Variants in TLE3 observed in about 807,000 individuals in gnomAD.
TLE3 encodes the protein TLE family member 3, transcriptional corepressor, also known as transducin-like enhancer protein 3.
A neutral mutation model predicts 93.0 loss-of-function variants in TLE3; 14 were observed. The ratio of observed to expected loss-of-function variants is 0.15; its 90% CI spans 0.10 to 0.24. The LOEUF is 0.24. TLE3 is among the 10% of genes least tolerant of loss of function. The pLI is 1.00. For missense variants in TLE3, 693 were observed against 1,046.6 expected (o/e 0.66, Z 4.66); for synonymous variants, 451 against 425.0 (o/e 1.06, Z -0.75).
chr15:70,074,470 G>GA, intron 6 of TLE3, 63 bp downstream of exon 6: 1 of 1,552,296 alleles, frequency 6.4e-7, no homozygotes, highest in Non-Finnish European at 8.8e-7. Flanking sequence ...CTCTGGTTAT[G>GA]ATAAATGAGA....
intron 6 of TLE3, among the ~76,000 whole-genome samples, chr15:70,071,311 C>T (rs2057145171): frequency 6.6e-6 from 1 of 152,178 alleles, no homozygotes; most frequent in Admixed American, 6.5e-5. Context: ...GAGAGACAAT[C>T]TTCCACTTCT....
chr15:70,057,570 G>A lies in TLE3; in HGVS notation c.1140C>T (p.Leu380=). 4 of 1,600,998 alleles carry A rather than the reference G, an allele frequency of 2.5e-6. No individual in the cohort carries two copies. The highest frequency in any genetic ancestry group is 2.6e-6 in the Non-Finnish European group (3 of 1,174,494). ...GGCCGGCGTAGGCGCCAGGACTGGTGAGGGAGCCGTTCATCTCATGGTGGC... is the reference window on the plus strand; with the variant it reads ...GGCCGGCGTAGGCGCCAGGACTGGTAAGGGAGCCGTTCATCTCATGGTGGC... The part of the protein sequence containing the change: ...MMSHHEMNGS[L]TSPGAYAGLH... Residue 380 remains leucine (L), a synonymous_variant, in exon 13 of 20, where the codon CTC becomes CTT. Coordinates refer to ENST00000451782, the MANE Select transcript of TLE3 (RefSeq NM_001105192.3).
chr15:70,071,721 T>C (rs1352615252), intron 6 of TLE3, among the ~76,000 whole-genome samples: 4 of 152,102 alleles, frequency 2.6e-5, no homozygotes, highest in Admixed American at 6.5e-5. Flanking sequence ...TGTGTCTCCT[T>C]CCAGAGCAGC....
At chr15:70,073,648 T>A (rs2057296679) in intron 6 of TLE3, among the ~76,000 whole-genome samples, 1 of 152,218 alleles carries the variant, frequency 6.6e-6, no homozygotes, top group South Asian at 2.1e-4. Flanking sequence ...CTCCGTGGAC[T>A]GGGAAGCAGT....
Position 70,057,578 on chromosome 15 carries a change from C to T in TLE3, c.1132G>A (p.Gly378Ser), listed in dbSNP as rs752807534. The T allele has an allele frequency of 3.1e-6, 5 of 1,600,200 alleles. No homozygotes were observed. Among genetic ancestry groups the T allele is most frequent in the Non-Finnish European group, 3.4e-6 (4 of 1,174,188 alleles). The change falls in exon 13 of 20, where the codon GGC (glycine) becomes AGC (serine). Residue 378 changes from glycine (G) to serine (S), a missense_variant. Physicochemically the swap from Gly to Ser is moderately conservative, Grantham distance 56. This residue lies in a region of TLE3 where 405 missense variants were observed against 468.9 expected (regional missense o/e 0.86). Transcript: ENST00000451782. Reference protein sequence around the residue: ...FAMMSHHEMNGSLTSPGAYAG... With the variant: ...FAMMSHHEMNSSLTSPGAYAG... Reference sequence around the variant, plus strand: ...TAGGCGCCAGGACTGGTGAGGGAGCCGTTCATCTCATGGTGGCTCATCATG... The same window carrying T: ...TAGGCGCCAGGACTGGTGAGGGAGCTGTTCATCTCATGGTGGCTCATCATG...
chr15:70,065,572 T>C (rs1355013796), intron 7 of TLE3, among the ~76,000 whole-genome samples: 1 of 152,220 alleles, frequency 6.6e-6, no homozygotes, highest in African/African-American at 2.4e-5. Context: ...GAACTAATGA[T>C]CGTGGTGAGC....
intron 4 of TLE3, among the ~76,000 whole-genome samples, chr15:70,087,341 T>C (rs754862156): frequency 1.3e-5 from 2 of 152,224 alleles, no homozygotes; most frequent in African/African-American, 2.4e-5. Flanking sequence ...GATGCTTTTA[T>C]CCTGGTGTCT....
In TLE3 at chr15:70,088,191, T is replaced by C. The variant is rs552396471; in HGVS notation, c.234+6341A>G. ...AGCAAAGAAAAGAATTCAAAATCAATGCTGATGCGAATTCAGACTCTCCCA... is the reference window on the plus strand; with the variant it reads ...AGCAAAGAAAAGAATTCAAAATCAACGCTGATGCGAATTCAGACTCTCCCA... On this transcript the variant is annotated intron_variant, in intron 4 of 19. Transcript: ENST00000451782. 1.4e-4 allele frequency among the ~76,000 whole-genome samples: 22 copies of C among 152,316 alleles called. No individual in the cohort carries two copies. In the South Asian group the frequency reaches 3.3e-3, roughly 23 times the overall value.
At chr15:70,057,966 T>C in intron 12 of TLE3, 193 bp downstream of exon 12, 4 of 925,242 alleles carry the variant, frequency 4.3e-6, no homozygotes, top group Admixed American at 2.8e-5. Context: ...GCTGCTTTCA[T>C]GTCTGGCCCA....
At chr15:70,057,714 G>A (rs2056174360) in intron 12 of TLE3, 56 bp from the exon 13 acceptor site, 2 of 1,529,910 alleles carry the variant, frequency 1.3e-6, no homozygotes, top group Non-Finnish European at 8.8e-7. Flanking sequence ...ACATGGCCAT[G>A]GCCGCCTCAC....
intron 18 of TLE3, among the ~76,000 whole-genome samples, chr15:70,051,834 C>T (rs1187553864): frequency 6.6e-6 from 1 of 152,194 alleles, no homozygotes; most frequent in African/African-American, 2.4e-5. Flanking sequence ...AGTCTGGAGA[C>T]CTGGCTGAAG....
intron 15 of TLE3, 153 bp downstream of exon 15, chr15:70,054,896 G>T (rs1287268971): frequency 1.3e-5 from 16 of 1,275,116 alleles, no homozygotes; most frequent in Non-Finnish European, 1.7e-5. Flanking sequence ...ACACACAGAA[G>T]GCACAACTGA....
intron 4 of TLE3, among the ~76,000 whole-genome samples, chr15:70,093,688 G>T (rs914898431): frequency 6.6e-6 from 1 of 152,198 alleles, no homozygotes; most frequent in African/African-American, 2.4e-5. Flanking sequence ...CTAGCACTGG[G>T]ACTAGTTACT....
chr15:70,056,651 G>A (rs915199000), intron 13 of TLE3, among the ~76,000 whole-genome samples: 2 of 152,170 alleles, frequency 1.3e-5, no homozygotes, highest in Non-Finnish European at 2.9e-5. Flanking sequence ...TTCCTCTCCT[G>A]TGGTCCTAGT....
Position 70,053,209 on chromosome 15 carries a change from G to C in TLE3, c.1974+18C>G. The C allele has an allele frequency of 6.2e-7, 1 of 1,603,512 alleles. No homozygotes were observed. Among genetic ancestry groups the C allele is most frequent in the South Asian group, 1.1e-5 (1 of 89,012 alleles). On this transcript the variant is annotated intron_variant, in intron 17 of 19. Transcript: ENST00000451782. ...AACACACTGCTCTTTGGGAAGGGAG[G>C]AGTCTTGGGCCGCACACCTGGGAAG... is the stretch of plus-strand genomic sequence containing the variant.
In TLE3 at chr15:70,084,559, C is replaced by G. The variant is rs1335825146; in HGVS notation, c.235-8401G>C. Among the ~76,000 whole-genome samples, 3 of 152,166 alleles carry G rather than the reference C, an allele frequency of 2.0e-5. No individual in the cohort carries two copies. The East Asian group carries it at 5.8e-4, about 29-fold the overall frequency. ...TCTGGGGGTAGACATGTGGGAAGAC[C>G]ACAGAAGACCTCATCTTGATATAGC... is the stretch of plus-strand genomic sequence containing the variant. On this transcript the variant is annotated intron_variant, in intron 4 of 19. Coordinates refer to ENST00000451782, the MANE Select transcript of TLE3 (RefSeq NM_001105192.3).
chr15:70,075,882 T>C (rs1360176135), intron 5 of TLE3, among the ~76,000 whole-genome samples: 3 of 152,104 alleles, frequency 2.0e-5, no homozygotes, highest in Non-Finnish European at 4.4e-5. Flanking sequence ...AACAATTCTA[T>C]GAGAAGAAGG....
chr15:70,091,703 A>C (rs1054423456), intron 4 of TLE3, among the ~76,000 whole-genome samples: 1 of 152,242 alleles, frequency 6.6e-6, no homozygotes, highest in African/African-American at 2.4e-5. Context: ...AGCCAGCCAC[A>C]GTGAGTTTAA....
At chr15:70,066,523 T>A in intron 6 of TLE3, 1 of 315,420 alleles carries the variant, frequency 3.2e-6, no homozygotes, top group Non-Finnish European at 5.8e-6. Context: ...AAAGAATGCA[T>A]GCATTTAAAA....
Sources: gnomAD v4.1 joint callset for allele counts (sites outside exome capture counted in the v4.1 genomes callset) on GRCh38, gnomAD v4.1.1 for gene constraint, gnomAD v4.1.1 regional missense constraint, MANE v1.5 for transcripts, NCBI Gene and HGNC (gene_info 2026-07-23, HGNC 2026-07-21) for gene names.